The following KCNAB1 variants were observed in gnomAD, a reference collection of about 807,000 sequenced individuals.
The protein encoded by KCNAB1 is potassium voltage-gated channel subfamily A regulatory beta subunit 1.
Under a neutral mutation model 64.6 loss-of-function variants are expected in KCNAB1, and 35 were observed. The observed-to-expected ratio is 0.54, with a 90% CI of 0.41 to 0.72. The LOEUF is 0.72. Among genes scored for constraint, KCNAB1 ranks in the 30% least tolerant of loss-of-function variants. The pLI, the probability that KCNAB1 is intolerant of heterozygous loss-of-function variation, is 0.00. For missense variants in KCNAB1, 401 were observed against 512.9 expected (o/e 0.78, Z 2.11); for synonymous variants, 177 against 183.8 (o/e 0.96, Z 0.30).
chr3:156,243,689 A>G (rs547239570), intron 1 of KCNAB1, among the ~76,000 whole-genome samples: 1 of 152,214 alleles, frequency 6.6e-6, no homozygotes, highest in African/African-American at 2.4e-5. Flanking sequence ...TAGCACTACT[A>G]CTTCTATTTA....
At chr3:156,434,808 G>T (rs1451216778) in intron 2 of KCNAB1, among the ~76,000 whole-genome samples, 2 of 152,180 alleles carry the variant, frequency 1.3e-5, no homozygotes, top group Non-Finnish European at 2.9e-5. Flanking sequence ...AAAGAAGAAG[G>T]AGTTGGGATC....
chr3:156,197,310 T>C (rs542976207), intron 1 of KCNAB1, among the ~76,000 whole-genome samples: 15 of 152,340 alleles, frequency 9.8e-5, no homozygotes, highest in South Asian at 6.2e-4. Context: ...ATCAGGATGA[T>C]GCTGGCCTCA....
intron 1 of KCNAB1, among the ~76,000 whole-genome samples, chr3:156,298,171 A>T (rs751115267): frequency 9.2e-5 from 14 of 152,108 alleles, no homozygotes; most frequent in Non-Finnish European, 1.8e-4. Flanking sequence ...CATCCATGGG[A>T]TGGTGAGAAA....
intron 1 of KCNAB1, among the ~76,000 whole-genome samples, chr3:156,278,943 A>AT (rs905525866): frequency 9.9e-5 from 15 of 151,302 alleles, no homozygotes; most frequent in African/African-American, 3.6e-4. Flanking sequence ...ACTTTATTTT[A>AT]TTTTTTTATT....
intron 8 of KCNAB1, among the ~76,000 whole-genome samples, chr3:156,494,653 A>G (rs1715874822): frequency 1.3e-5 from 2 of 152,150 alleles, no homozygotes; most frequent in African/African-American, 4.8e-5. Context: ...GAGACTTCAC[A>G]TTGCTGTGTC....
chr3:156,383,058 C>G (rs966306513), intron 1 of KCNAB1, among the ~76,000 whole-genome samples: 3 of 152,176 alleles, frequency 2.0e-5, no homozygotes, highest in Non-Finnish European at 4.4e-5. Flanking sequence ...CTATTAACTT[C>G]TGGTAAGATG....
At chr3:156,269,984 C>T (rs745954324) in intron 1 of KCNAB1, among the ~76,000 whole-genome samples, 27 of 147,688 alleles carry the variant, frequency 1.8e-4, no homozygotes, top group South Asian at 6.5e-4. Flanking sequence ...GGCACAATCT[C>T]GGCTCACTGC....
At chr3:156,431,854 G>A (rs1427707201) in intron 2 of KCNAB1, among the ~76,000 whole-genome samples, 2 of 152,166 alleles carry the variant, frequency 1.3e-5, no homozygotes, top group African/African-American at 4.8e-5. Context: ...TTCTCAAGCT[G>A]TCCTGAAATA....
intron 2 of KCNAB1, among the ~76,000 whole-genome samples, chr3:156,422,968 G>C (rs1479413578): frequency 6.6e-6 from 1 of 152,220 alleles, no homozygotes; most frequent in Non-Finnish European, 1.5e-5. Context: ...CCGTCAAGTG[G>C]TGCTCATGCA....
At chr3:156,454,467 G>A (rs1712240862) in intron 3 of KCNAB1, among the ~76,000 whole-genome samples, 1 of 152,196 alleles carries the variant, frequency 6.6e-6, no homozygotes, top group South Asian at 2.1e-4. Context: ...CTCTAGCCAA[G>A]TGCAATTTCC....
chr3:156,463,464 T>G (rs2108298636), intron 5 of KCNAB1, among the ~76,000 whole-genome samples: 1 of 152,252 alleles, frequency 6.6e-6, no homozygotes, highest in South Asian at 2.1e-4. Flanking sequence ...CTCCACCTCC[T>G]CCAGGCAAAG....
intron 7 of KCNAB1, 113 bp downstream of exon 7, chr3:156,465,799 T>G (rs990411468): frequency 2.3e-6 from 2 of 851,248 alleles, no homozygotes; most frequent in Non-Finnish European, 3.9e-6. Flanking sequence ...ATATGAAAAG[T>G]GCCACAATCA....
intron 2 of KCNAB1, among the ~76,000 whole-genome samples, chr3:156,438,458 G>A (rs4680265): frequency 0.66 from 100,934 of 152,096 alleles, 33,818 homozygotes; most frequent in East Asian, 0.76. Context: ...TCCATAATAA[G>A]TAATACATTT....
chr3:156,230,272 C>A (rs1249625288), intron 1 of KCNAB1, among the ~76,000 whole-genome samples: 1 of 152,088 alleles, frequency 6.6e-6, no homozygotes, highest in African/African-American at 2.4e-5. Flanking sequence ...TGTGCTGTAC[C>A]TTTTTATGTT....
Position 156,161,453 on chromosome 3 carries a change from C to T in KCNAB1, c.275+40567C>T, listed in dbSNP as rs368950184. On this transcript the variant is annotated intron_variant, in intron 1 of 13. Coordinates refer to ENST00000490337, the MANE Select transcript of KCNAB1 (RefSeq NM_172160.3). ...GTTGACACACACAAACCACTCCCAT[C>T]CAGCCCCCAACCCTCCAGAGGACTG... 2.0e-3 allele frequency among the ~76,000 whole-genome samples: 311 copies of T among 152,310 alleles called. 15 individuals carry two copies. In the South Asian group the frequency reaches 0.053, roughly 26 times the overall value.
intron 10 of KCNAB1, 60 bp downstream of exon 10, chr3:156,515,280 G>A: frequency 2.7e-6 from 4 of 1,489,062 alleles, no homozygotes; most frequent in Non-Finnish European, 2.7e-6. Context: ...ACTGATTCGG[G>A]GAAAAAATAA....
At chr3:156,302,001 C>G (rs1200316675) in intron 1 of KCNAB1, among the ~76,000 whole-genome samples, 1 of 152,178 alleles carries the variant, frequency 6.6e-6, no homozygotes, top group Non-Finnish European at 1.5e-5. Flanking sequence ...TTTCATAATT[C>G]TGGAGGTCCA....
intron 8 of KCNAB1, 92 bp downstream of exon 8, chr3:156,474,912 C>T: frequency 1.0e-6 from 1 of 983,418 alleles, no homozygotes; most frequent in Non-Finnish European, 1.6e-6. Flanking sequence ...TGTATTCAGA[C>T]TGATCAAACT....
chr3:156,246,432 G>A lies in KCNAB1; in HGVS notation c.275+125546G>A, dbSNP rs568252034. ...CAGCCTGCCAACATGGTGAAACCTCGTGTCTACTAGAAATACAAAAATTAG... is the reference window on the plus strand; with the variant it reads ...CAGCCTGCCAACATGGTGAAACCTCATGTCTACTAGAAATACAAAAATTAG... On this transcript the variant is annotated intron_variant, in intron 1 of 13. Coordinates refer to ENST00000490337, the MANE Select transcript of KCNAB1 (RefSeq NM_172160.3). 5.3e-5 allele frequency among the ~76,000 whole-genome samples: 8 copies of A among 152,072 alleles called. No individual in the cohort carries two copies. In the South Asian group the frequency reaches 1.0e-3, roughly 20 times the overall value.
Sources: gnomAD v4.1 joint callset for allele counts (sites outside exome capture counted in the v4.1 genomes callset) on GRCh38, gnomAD v4.1.1 for gene constraint, MANE v1.5 for transcripts, NCBI Gene and HGNC (gene_info 2026-07-23, HGNC 2026-07-21) for gene names.